Variants in ARHGEF11 observed in about 807,000 individuals in gnomAD.
The protein encoded by ARHGEF11 is Rho guanine nucleotide exchange factor 11, also known as Rho guanine exchange factor (GEF) 11.
In ARHGEF11, 55 loss-of-function variants were observed where a neutral mutation model predicts 193.7. That is an observed-to-expected ratio of 0.28 (90% CI 0.23 to 0.36). The LOEUF (loss-of-function observed/expected upper bound fraction) is 0.36, where lower values mean the gene tolerates loss of function less well. Among genes scored for constraint, ARHGEF11 ranks in the 10% least tolerant of loss-of-function variants. The pLI is 1.00. For missense variants in ARHGEF11, 1,723 were observed against 2,005.6 expected, an observed-to-expected ratio of 0.86 and a Z score of 2.69; for synonymous variants, 693 against 768.0, an observed-to-expected ratio of 0.90 and a Z score of 1.62.
At chr1:156,996,398 T>C (rs890062954) in intron 1 of ARHGEF11, among the ~76,000 whole-genome samples, 2 of 152,048 alleles carry the variant, frequency 1.3e-5, no homozygotes, top group Non-Finnish European at 1.5e-5. Context: ...CAGGTAGCTA[T>C]GCTGTGGAAG....
rs771594854 is a variant in ARHGEF11 at position 156,978,260 on chromosome 1, G to C, written c.454C>G (p.Pro152Ala). 3 of 1,614,200 alleles carry C rather than the reference G, an allele frequency of 1.9e-6. No homozygotes were observed. Among genetic ancestry groups the C allele is most frequent in the Admixed American group, 3.3e-5 (2 of 60,026 alleles). The change falls in exon 6 of 41, where the codon CCA becomes GCA. Residue 152 changes from proline to alanine, a missense_variant. Physicochemically the swap from Pro to Ala is conservative, Grantham distance 27 (BLOSUM62 -1). This residue lies in a region of ARHGEF11 where 646 missense variants were observed against 710.7 expected (regional missense o/e 0.91). Transcript: ENST00000368194. ...PRITSVIPSP[P>A]PPPPLPPPQR... ...GGAGGTGGTAGAGGTGGAGGAGGTG[G>C]TGGTGAGGGGATCACTGACGTGATT...
chr1:156,938,566 G>GGGAAGGGAGAGAGAACA, intron 37 of ARHGEF11, 53 bp from the exon 38 acceptor site: 2 of 1,563,610 alleles, frequency 1.3e-6, no homozygotes, highest in Non-Finnish European at 1.8e-6. Flanking sequence ...CACAAGGAAA[G>GGGAAGGGAGAGAGAACA]GGAAGGGAGA....
In ARHGEF11 at chr1:156,940,284, C is replaced by T. The variant is rs1391143895; in HGVS notation, c.3656G>A (p.Arg1219Lys). The change falls in exon 36 of 41, where the codon AGG becomes AAG. Residue 1219 changes from arginine to lysine, a missense_variant. Around this residue, in one of 5 missense-constraint regions of ARHGEF11, gnomAD observed 203 missense variants for 237.3 expected, o/e 0.86. Transcript: ENST00000368194. ...GGCCAAGTGGATGGGGTTCCTTGTC[C>T]TGATGCCCCTGTTCTCTCCATCCAG... Reference protein sequence around the residue: ...TSLDGENRGIRTRNPIHLAFP... With the variant: ...TSLDGENRGIKTRNPIHLAFP... 4 of 1,613,402 alleles carry T rather than the reference C, an allele frequency of 2.5e-6. No individual in the cohort carries two copies. The highest frequency in any genetic ancestry group is 3.4e-6 in the Non-Finnish European group (4 of 1,179,566).
chr1:156,976,424 T>G (rs1663268087), intron 7 of ARHGEF11, among the ~76,000 whole-genome samples: 1 of 152,220 alleles, frequency 6.6e-6, no homozygotes, highest in Non-Finnish European at 1.5e-5. Flanking sequence ...CATTAGATTT[T>G]AAACATGTTG....
Position 156,935,829 on chromosome 1 carries a change from G to C in ARHGEF11, c.*171C>G. 6 of 704,270 alleles carry C rather than the reference G, an allele frequency of 8.5e-6. No homozygotes were observed. In the South Asian group the frequency reaches 1.0e-4, roughly 12 times the overall value. 43.6% of individuals were successfully genotyped at this position (704,270 alleles called of 1,614,324 possible). ...AGACACTGAAACCTGACTCCGACTT[G>C]AGCAGACCAAGCAACATGCGGGTCT... is the stretch of plus-strand genomic sequence containing the variant. On this transcript the variant is annotated 3_prime_UTR_variant, in exon 41 of 41. Coordinates refer to ENST00000368194, the MANE Select transcript of ARHGEF11 (RefSeq NM_198236.3).
chr1:156,973,308 ATCTAGT>A (rs1468221973), intron 7 of ARHGEF11, among the ~76,000 whole-genome samples: 2 of 152,194 alleles, frequency 1.3e-5, no homozygotes, highest in African/African-American at 4.8e-5. Flanking sequence ...AACATATACA[ATCTAGT>A]TTCCTCCCAT....
At chr1:157,008,026 G>A (rs1668062987) in intron 1 of ARHGEF11, among the ~76,000 whole-genome samples, 1 of 149,088 alleles carries the variant, frequency 6.7e-6, no homozygotes, top group African/African-American at 2.5e-5. Flanking sequence ...AAAAGAATAA[G>A]CCTAACTGCC....
Position 156,937,328 on chromosome 1 carries a change from G to A in ARHGEF11, c.4361C>T (p.Pro1454Leu), listed in dbSNP as rs1302325677. 1.2e-6 allele frequency: 2 copies of A among 1,613,956 alleles called. No individual in the cohort carries two copies. Among genetic ancestry groups the A allele is most frequent in the Non-Finnish European group, 1.7e-6 (2 of 1,179,926 alleles). The change falls in exon 39 of 41, where the codon CCT becomes CTT. Residue 1454 changes from proline to leucine, a missense_variant. Pro to Leu is a moderately conservative substitution (Grantham distance 98). Coordinates refer to ENST00000368194, the MANE Select transcript of ARHGEF11 (RefSeq NM_198236.3). ...CACGTCCCTGAGGGCCAGGCTTGGA[G>A]GAGAGCGGCTGGGGCGTCTTGGATC... ...NDDPRRPSRS[P>L]PSLALRDVGM...
chr1:157,003,538 A>C (rs546761471), intron 1 of ARHGEF11, among the ~76,000 whole-genome samples: 179 of 152,342 alleles, frequency 1.2e-3, no homozygotes, highest in Non-Finnish European at 1.7e-3. Flanking sequence ...CAACTATGAA[A>C]ATATGTTTCA....
In ARHGEF11 at chr1:156,967,986, C is replaced by T; in HGVS notation, c.963+1G>A. ...CTGCAGGGTGGCTCCAGATCACTCACCTGGTCACCGGTTGAGGGGACTGCT... is the reference window on the plus strand; with the variant it reads ...CTGCAGGGTGGCTCCAGATCACTCATCTGGTCACCGGTTGAGGGGACTGCT... On this transcript the variant is annotated splice_donor_variant, in intron 11 of 40. Transcript: ENST00000368194. LOFTEE classifies it high-confidence loss of function. 6.2e-7 allele frequency: 1 copy of T among 1,614,074 alleles called. No homozygotes were observed. The highest frequency in any genetic ancestry group is 2.2e-5 in the East Asian group (1 of 44,892).
At chr1:156,956,271 T>C (rs1167873452) in intron 19 of ARHGEF11, 149 bp downstream of exon 19, 2 of 771,474 alleles carry the variant, frequency 2.6e-6, no homozygotes, top group Non-Finnish European at 4.1e-6. Context: ...CATGCACCAC[T>C]ATGCTGGACT....
At chr1:156,941,247 C>T in intron 35 of ARHGEF11, 125 bp downstream of exon 35, 2 of 837,412 alleles carry the variant, frequency 2.4e-6, no homozygotes, top group South Asian at 2.8e-5. Context: ...TTCTTCTCTA[C>T]TCTTTATCAA....
intron 1 of ARHGEF11, among the ~76,000 whole-genome samples, chr1:156,988,363 A>G (rs1571377099): frequency 1.3e-5 from 2 of 152,212 alleles, no homozygotes; most frequent in African/African-American, 4.8e-5. Flanking sequence ...GTCTCTGCCT[A>G]TACTGTTCCT....
At chr1:156,943,718 G>A (rs1393667009) in intron 32 of ARHGEF11, among the ~76,000 whole-genome samples, 1 of 152,202 alleles carries the variant, frequency 6.6e-6, no homozygotes, top group African/African-American at 2.4e-5. Context: ...GACCACCCCT[G>A]TGCCAGGTTG....
intron 1 of ARHGEF11, among the ~76,000 whole-genome samples, chr1:156,996,722 G>A (rs999516179): frequency 7.6e-6 from 1 of 131,206 alleles, no homozygotes; most frequent in African/African-American, 2.9e-5. Context: ...GCAGTGAGCC[G>A]AGATCACGCC....
chr1:156,987,225 A>C (rs1665054648), intron 1 of ARHGEF11, among the ~76,000 whole-genome samples: 1 of 152,232 alleles, frequency 6.6e-6, no homozygotes, highest in South Asian at 2.1e-4. Context: ...CTACTCATGG[A>C]AGCACTGTGT....
At chr1:157,017,749 TTAA>T (rs1321102633) in intron 1 of ARHGEF11, among the ~76,000 whole-genome samples, 1 of 151,026 alleles carries the variant, frequency 6.6e-6, no homozygotes, top group Non-Finnish European at 1.5e-5. Flanking sequence ...AGAAGAGGAT[TTAA>T]TAATTTCTTT....
At chr1:157,018,709 GAAC>G (rs1289318067) in intron 1 of ARHGEF11, among the ~76,000 whole-genome samples, 1 of 151,068 alleles carries the variant, frequency 6.6e-6, no homozygotes, top group African/African-American at 2.4e-5. Flanking sequence ...GGAAACAGAA[GAAC>G]AACATTGGAA....
rs71084208 is a variant in ARHGEF11, at chr1:157,013,263, TCACACACACA to T, written c.33-27100_33-27091del. On this transcript the variant is annotated intron_variant, in intron 1 of 40. Transcript: ENST00000368194. ...ACTGCTCATAACTCCCCACTATCAC[TCACACACACA>T]CACACACACACACACACACACACAC... is the stretch of plus-strand genomic sequence containing the variant. 6.4e-5 allele frequency among the ~76,000 whole-genome samples: 9 copies of T among 140,708 alleles called. No individual in the cohort carries two copies. In the East Asian group the frequency reaches 1.3e-3, roughly 20 times the overall value. The allele number at this position is 140,708 out of a possible 152,430, so 92.3% of individuals were successfully genotyped here.
Sources: allele counts gnomAD v4.1 joint callset (sites outside exome capture counted in the v4.1 genomes callset), GRCh38; gene constraint gnomAD v4.1.1; regional missense constraint gnomAD v4.1.1; transcripts MANE v1.5; gene names NCBI Gene and HGNC (gene_info 2026-07-23, HGNC 2026-07-21).